Variants in SLC35F4 observed in about 807,000 individuals in gnomAD.
SLC35F4 encodes the protein chromosome 14 open reading frame 36.
A neutral mutation model predicts 44.2 loss-of-function variants in SLC35F4; 24 were observed. The ratio of observed to expected loss-of-function variants is 0.54; its 90% CI spans 0.39 to 0.76. SLC35F4 has a LOEUF of 0.76. Among genes scored for constraint, SLC35F4 ranks in the 30% least tolerant of loss-of-function variants. The pLI, the probability that SLC35F4 is intolerant of heterozygous loss-of-function variation, is 0.00. For missense variants in SLC35F4, 562 were observed against 586.1 expected (o/e 0.96, Z 0.42); for synonymous variants, 238 against 223.6 (o/e 1.06, Z -0.57).
chr14:57,743,242 T>C (rs772920682), intron 1 of SLC35F4, among the ~76,000 whole-genome samples: 2 of 151,674 alleles, frequency 1.3e-5, no homozygotes, highest in Non-Finnish European at 2.9e-5. Flanking sequence ...CTGAAGGAAA[T>C]AGAGACATAA....
chr14:57,645,857 C>T (rs920434151), intron 1 of SLC35F4, among the ~76,000 whole-genome samples: 4 of 151,626 alleles, frequency 2.6e-5, no homozygotes, highest in Admixed American at 6.6e-5. Context: ...TGTCAAAGGC[C>T]TTTTCTGCAT....
At chr14:57,875,544 A>G (rs542660952) in intron 1 of SLC35F4, among the ~76,000 whole-genome samples, 1 of 152,350 alleles carries the variant, frequency 6.6e-6, no homozygotes, top group African/African-American at 2.4e-5. Context: ...CAGGTAGATC[A>G]GCTGGGGACT....
chr14:57,963,206 C>T (rs1890370656), intron 1 of SLC35F4, among the ~76,000 whole-genome samples: 1 of 152,124 alleles, frequency 6.6e-6, no homozygotes, highest in African/African-American at 2.4e-5. Context: ...TGGATTTTTC[C>T]AACCCTTCTA....
chr14:57,758,196 A>G (rs1594977896), intron 1 of SLC35F4, among the ~76,000 whole-genome samples: 1 of 152,118 alleles, frequency 6.6e-6, no homozygotes, highest in East Asian at 1.9e-4. Context: ...ATGGTTTTGG[A>G]CAATTTAATT....
At chr14:57,742,044 G>C (rs1162744791) in intron 1 of SLC35F4, among the ~76,000 whole-genome samples, 1 of 152,092 alleles carries the variant, frequency 6.6e-6, no homozygotes, top group African/African-American at 2.4e-5. Flanking sequence ...GTCACCACCA[G>C]GCCTGCCCTA....
chr14:57,769,312 T>C (rs1595009122), intron 1 of SLC35F4, among the ~76,000 whole-genome samples: 1 of 152,268 alleles, frequency 6.6e-6, no homozygotes. Context: ...ATAATTGCTT[T>C]GAGCTCAGCC....
At chr14:57,892,034 G>T (rs1017997441) in intron 1 of SLC35F4, among the ~76,000 whole-genome samples, 1 of 152,090 alleles carries the variant, frequency 6.6e-6, no homozygotes, top group Non-Finnish European at 1.5e-5. Flanking sequence ...AATTCCAAGA[G>T]CTTTGAAAAA....
intron 1 of SLC35F4, among the ~76,000 whole-genome samples, chr14:57,898,220 A>G (rs1433575353): frequency 6.6e-6 from 1 of 152,250 alleles, no homozygotes; most frequent in Non-Finnish European, 1.5e-5. Context: ...CAGAATAAAA[A>G]TGAATTATCT....
chr14:57,589,535 A>C, intron 2 of SLC35F4, 22 bp from the exon 3 acceptor site: 5 of 1,572,682 alleles, frequency 3.2e-6, no homozygotes, highest in Non-Finnish European at 3.4e-6. Flanking sequence ...AAAGGAATAC[A>C]AATGTGAGGA....
intron 1 of SLC35F4, among the ~76,000 whole-genome samples, chr14:57,603,180 C>A (rs2070930998): frequency 6.6e-6 from 1 of 152,162 alleles, no homozygotes; most frequent in African/African-American, 2.4e-5. Context: ...AGATATGGAT[C>A]AGCAGAAATA....
chr14:57,588,778 C>A (rs1566652466), intron 3 of SLC35F4, among the ~76,000 whole-genome samples: 1 of 152,162 alleles, frequency 6.6e-6, no homozygotes, highest in South Asian at 2.1e-4. Context: ...GTTTGTGTAA[C>A]AATCTTATTA....
At chr14:57,778,184 G>C (rs2140726883) in intron 1 of SLC35F4, among the ~76,000 whole-genome samples, 1 of 152,242 alleles carries the variant, frequency 6.6e-6, no homozygotes, top group East Asian at 1.9e-4. Context: ...AACATGACTT[G>C]CTCCTCCTTG....
At chr14:57,760,432 C>T (rs1229732660) in intron 1 of SLC35F4, among the ~76,000 whole-genome samples, 1 of 151,988 alleles carries the variant, frequency 6.6e-6, no homozygotes, top group Non-Finnish European at 1.5e-5. Flanking sequence ...ATTACTGTAC[C>T]TTTATAATAT....
intron 6 of SLC35F4, among the ~76,000 whole-genome samples, chr14:57,568,738 T>C (rs1249116267): frequency 2.0e-5 from 3 of 152,200 alleles, no homozygotes; most frequent in South Asian, 4.1e-4. Context: ...TTTCAAATTA[T>C]ATCACCTCAG....
chr14:57,619,073 T>C (rs2072026921), intron 1 of SLC35F4, among the ~76,000 whole-genome samples: 1 of 152,124 alleles, frequency 6.6e-6, no homozygotes, highest in South Asian at 2.1e-4. Context: ...CCCATCTCCC[T>C]GGGACAGAGA....
upstream of SLC35F4, among the ~76,000 whole-genome samples, chr14:57,870,186 C>CTTGG (rs2141026513): frequency 7.4e-6 from 1 of 135,562 alleles, no homozygotes; most frequent in African/African-American, 3.7e-5. Context: ...CTCCCTCTCT[C>CTTGG]TCGGTCTGTT....
intron 1 of SLC35F4, among the ~76,000 whole-genome samples, chr14:57,665,246 C>T (rs1220579019): frequency 6.6e-6 from 1 of 152,074 alleles, no homozygotes; most frequent in African/African-American, 2.4e-5. Flanking sequence ...GGTCTTCAGA[C>T]AGCTTACCCA....
At chr14:57,629,012 G>A (rs17093469) in intron 1 of SLC35F4, among the ~76,000 whole-genome samples, 8,964 of 152,218 alleles carry the variant, frequency 0.059, 728 homozygotes, top group African/African-American at 0.19. Context: ...AAGTGCCCAG[G>A]AAAACAGCAT....
chr14:57,720,626 G>A (rs552021140), intron 1 of SLC35F4, among the ~76,000 whole-genome samples: 141 of 152,186 alleles, frequency 9.3e-4, no homozygotes, highest in Non-Finnish European at 1.4e-3. Flanking sequence ...GTGTCAGCTT[G>A]ATTGGATTGA....
Sources: allele counts gnomAD v4.1 joint callset (sites outside exome capture counted in the v4.1 genomes callset), GRCh38; gene constraint gnomAD v4.1.1; transcripts MANE v1.5; gene names NCBI Gene and HGNC (gene_info 2026-07-23, HGNC 2026-07-21).